Variants in ESRRB observed in about 807,000 individuals in gnomAD.
ESRRB encodes steroid hormone receptor ERR2.
In ESRRB, 16 loss-of-function variants were observed where a neutral mutation model predicts 46.0. The ratio of observed to expected loss-of-function variants is 0.35; its 90% CI spans 0.24 to 0.53. ESRRB has a LOEUF of 0.53. Ranked by LOEUF, ESRRB falls within the 20% of genes least tolerant of loss-of-function variation. The pLI, the probability that ESRRB is intolerant of heterozygous loss-of-function variation, is 0.93. For missense variants in ESRRB, 488 were observed against 607.4 expected, an observed-to-expected ratio of 0.80 and a Z score of 2.07; for synonymous variants, 246 against 259.6, an observed-to-expected ratio of 0.95 and a Z score of 0.50.
rs375795925 is a variant in ESRRB, at chr14:76,379,539, C to T, written c.50+3088C>T. 2.6e-5 allele frequency among the ~76,000 whole-genome samples: 4 copies of T among 152,232 alleles called. No individual in the cohort carries two copies. The East Asian group carries it at 5.8e-4, about 22-fold the overall frequency. ...ATTTAAAAATAAATCAGAGTGAGGACATCAGTCTCGGTTTTCCAAGGGAGG... is the reference window on the plus strand; with the variant it reads ...ATTTAAAAATAAATCAGAGTGAGGATATCAGTCTCGGTTTTCCAAGGGAGG... On this transcript the variant is annotated intron_variant, in intron 1 of 6. Coordinates refer to ENST00000644823, the MANE Select transcript of ESRRB (RefSeq NM_001379180.1).
intron 2 of ESRRB, among the ~76,000 whole-genome samples, chr14:76,449,410 G>C (rs951263941): frequency 6.6e-6 from 1 of 152,078 alleles, no homozygotes; most frequent in Non-Finnish European, 1.5e-5. Context: ...ACTTAGCTTG[G>C]CATGGTGGCA....
At chr14:76,485,887 C>T (rs2140038853) in intron 5 of ESRRB, among the ~76,000 whole-genome samples, 1 of 152,286 alleles carries the variant, frequency 6.6e-6, no homozygotes, top group Non-Finnish European at 1.5e-5. Flanking sequence ...GCTTTGCATG[C>T]ACATATTGAG....
chr14:76,372,595 G>A (rs1367618120), upstream of ESRRB, among the ~76,000 whole-genome samples: 2 of 152,172 alleles, frequency 1.3e-5, no homozygotes, highest in Admixed American at 6.5e-5. Context: ...ACTTTGGGAG[G>A]CCAACTCAGG....
intron 1 of ESRRB, among the ~76,000 whole-genome samples, chr14:76,432,292 A>C (rs1386882799): frequency 1.3e-5 from 2 of 152,220 alleles, no homozygotes; most frequent in South Asian, 2.1e-4. Context: ...GGAATCACTC[A>C]GCCCCAGATG....
At chr14:76,313,099 G>A (rs893083718) in intron 1 of ESRRB, among the ~76,000 whole-genome samples, 5 of 152,110 alleles carry the variant, frequency 3.3e-5, no homozygotes, top group Admixed American at 6.5e-5. Flanking sequence ...CCTGGGCTAC[G>A]TGTAGATCCT....
At chr14:76,426,053 A>T (rs578070409) in intron 1 of ESRRB, among the ~76,000 whole-genome samples, 2 of 152,344 alleles carry the variant, frequency 1.3e-5, no homozygotes, top group South Asian at 4.1e-4. Flanking sequence ...TATTTCATAC[A>T]ATCCCAGTGC....
At chr14:76,375,422 C>A (rs529697299), upstream of ESRRB, among the ~76,000 whole-genome samples, 1 of 152,224 alleles carries the variant, frequency 6.6e-6, no homozygotes, top group African/African-American at 2.4e-5. Flanking sequence ...ATTTTCACCA[C>A]GATTGTATTT....
At chr14:76,447,973 G>A (rs779626514) in intron 2 of ESRRB, among the ~76,000 whole-genome samples, 6 of 152,158 alleles carry the variant, frequency 3.9e-5, no homozygotes, top group Admixed American at 2.6e-4. Flanking sequence ...CGCCCTCTGG[G>A]ATTGCCCCAC....
intron 1 of ESRRB, among the ~76,000 whole-genome samples, chr14:76,409,092 T>C (rs1449436881): frequency 6.6e-6 from 1 of 152,156 alleles, no homozygotes; most frequent in Non-Finnish European, 1.5e-5. Context: ...ATCTGTAAAA[T>C]GGGAACGCCC....
chr14:76,360,554 G>A (rs757689964), intron 1 of ESRRB, among the ~76,000 whole-genome samples: 13 of 152,104 alleles, frequency 8.5e-5, no homozygotes, highest in South Asian at 2.1e-4. Context: ...TGGCCCTACC[G>A]CCAGTAGAAC....
chr14:76,414,870 G>A (rs557703881), intron 1 of ESRRB, among the ~76,000 whole-genome samples: 6 of 152,194 alleles, frequency 3.9e-5, no homozygotes, highest in Non-Finnish European at 7.4e-5. Flanking sequence ...GTCCTCCCAG[G>A]CCTAGTGACC....
At chr14:76,328,463 CA>C (rs1358069760) in intron 1 of ESRRB, among the ~76,000 whole-genome samples, 1 of 152,198 alleles carries the variant, frequency 6.6e-6, no homozygotes, top group Admixed American at 6.5e-5. Flanking sequence ...GTGCCGCAGG[CA>C]GCCTTTAAAA....
Position 76,349,483 on chromosome 14 carries a change from G to T in ESRRB, c.2+38567G>T, listed in dbSNP as rs74352605. On this transcript the variant is annotated intron_variant, in intron 1 of 6. Transcript: ENST00000512784. ...TTCTTTTAGACTGTCCTTAACCCAA[G>T]AAGGTGTGGCCTCCTGCGAGATGCT... 7.2e-3 allele frequency among the ~76,000 whole-genome samples: 1,097 copies of T among 152,332 alleles called. 12 individuals carry two copies. The highest frequency in any genetic ancestry group is 0.025 in the African/African-American group (1,034 of 41,564).
intron 1 of ESRRB, among the ~76,000 whole-genome samples, chr14:76,431,558 C>A (rs1077427): frequency 6.6e-6 from 1 of 151,982 alleles, no homozygotes; most frequent in Admixed American, 6.5e-5. Flanking sequence ...GGGTCCCACG[C>A]TGGCTACTGA....
intron 1 of ESRRB, among the ~76,000 whole-genome samples, chr14:76,436,375 G>A (rs749624697): frequency 2.6e-5 from 4 of 152,178 alleles, no homozygotes; most frequent in African/African-American, 7.2e-5. Context: ...CTACATCATC[G>A]CTGCTGTAAT....
intron 1 of ESRRB, among the ~76,000 whole-genome samples, chr14:76,324,649 T>C (rs1239253246): frequency 6.6e-6 from 1 of 152,176 alleles, no homozygotes; most frequent in African/African-American, 2.4e-5. Flanking sequence ...CTGAAGACCA[T>C]CAGTGTCTGG....
intron 3 of ESRRB, among the ~76,000 whole-genome samples, chr14:76,464,293 G>T (rs574086884): frequency 6.6e-6 from 1 of 152,304 alleles, no homozygotes; most frequent in African/African-American, 2.4e-5. Context: ...CCAGCCTTGG[G>T]AGCCCCAGGG....
At chr14:76,487,515 T>G (rs1201489477) in intron 5 of ESRRB, among the ~76,000 whole-genome samples, 1 of 152,202 alleles carries the variant, frequency 6.6e-6, no homozygotes, top group African/African-American at 2.4e-5. Context: ...CTTTTTTTTT[T>G]TCTATTTTGA....
chr14:76,472,032 G>A (rs1889392811), intron 3 of ESRRB, among the ~76,000 whole-genome samples: 1 of 152,198 alleles, frequency 6.6e-6, no homozygotes, highest in Non-Finnish European at 1.5e-5. Flanking sequence ...TTTGACCAAG[G>A]CCAGACAGCT....
Sources: gnomAD v4.1 joint callset for allele counts (sites outside exome capture counted in the v4.1 genomes callset) on GRCh38, gnomAD v4.1.1 for gene constraint, MANE v1.5 for transcripts, NCBI Gene and HGNC (gene_info 2026-07-23, HGNC 2026-07-21) for gene names.